The following DCTN5 variants were observed in gnomAD, a reference collection of about 807,000 sequenced individuals.
DCTN5 encodes the protein dynactin 4.
In DCTN5, 14 loss-of-function variants were observed where a neutral mutation model predicts 23.5. That is an observed-to-expected ratio of 0.60 (90% CI 0.39 to 0.93). DCTN5 has a LOEUF of 0.93. Ranked by LOEUF, DCTN5 falls within the 40% of genes least tolerant of loss-of-function variation. The pLI is 0.00. For missense variants in DCTN5, 156 were observed against 225.9 expected (o/e 0.69, Z 1.98); for synonymous variants, 67 against 79.6 (o/e 0.84, Z 0.84).
chr16:23,669,522 A>C lies in DCTN5; in HGVS notation c.*2378A>C, dbSNP rs1358103830. 6.6e-6 allele frequency: 1 copy of C among 152,306 alleles called. No homozygotes were observed. The highest frequency in any genetic ancestry group is 2.4e-5 in the African/African-American group (1 of 41,438). The allele number at this position is 152,306 out of a possible 1,614,324, so 9.4% of individuals were successfully genotyped here. A position where few individuals can be genotyped will look rare whatever the true frequency, so the allele number is the denominator to read the frequency against. ...TCATCATTGTGGCCAGGAAGATGGAATACACCAAATGGACAGGCCTGGCAT... is the reference window on the plus strand; with the variant it reads ...TCATCATTGTGGCCAGGAAGATGGACTACACCAAATGGACAGGCCTGGCAT... On this transcript the variant is annotated 3_prime_UTR_variant, in exon 6 of 6. Transcript: ENST00000300087.
At chr16:23,649,454 ACTCATCTTTTCCAAG>A (rs888197683) in intron 2 of DCTN5, among the ~76,000 whole-genome samples, 1 of 151,870 alleles carries the variant, frequency 6.6e-6, no homozygotes, top group African/African-American at 2.4e-5. Context: ...TTGAAGTCTT[ACTCATCTTTTCCAAG>A]ACCAGTGTCT....
intron 5 of DCTN5, 43 bp from the exon 6 acceptor site, chr16:23,667,004 T>G: frequency 6.2e-7 from 1 of 1,611,942 alleles, no homozygotes; most frequent in Non-Finnish European, 8.5e-7. Flanking sequence ...TAACTTCTTG[T>G]AACTTCTTCA....
At chr16:23,664,936 T>C (rs1404563056) in intron 4 of DCTN5, among the ~76,000 whole-genome samples, 1 of 152,228 alleles carries the variant, frequency 6.6e-6, no homozygotes, top group East Asian at 1.9e-4. Flanking sequence ...TAGATCTTAA[T>C]GTCACGGCCA....
At chr16:23,651,199 G>A (rs1271436620) in intron 2 of DCTN5, 1 of 1,053,848 alleles carries the variant, frequency 9.5e-7, no homozygotes, top group East Asian at 7.3e-5. Context: ...TCTCTGCCTT[G>A]CCCATTGTTG....
chr16:23,642,848 C>A, intron 1 of DCTN5, 107 bp from the exon 2 acceptor site: 1 of 936,046 alleles, frequency 1.1e-6, no homozygotes. Flanking sequence ...GTGGACAGCA[C>A]CCCACTTTAT....
chr16:23,649,118 C>T (rs1967542286), intron 2 of DCTN5, among the ~76,000 whole-genome samples: 1 of 152,168 alleles, frequency 6.6e-6, no homozygotes, highest in African/African-American at 2.4e-5. Flanking sequence ...CAGTTGGCCT[C>T]CCAAAATGCT....
intron 2 of DCTN5, among the ~76,000 whole-genome samples, chr16:23,648,344 CTTTT>C (rs960786045): frequency 2.9e-4 from 31 of 105,522 alleles, no homozygotes; most frequent in Non-Finnish European, 4.7e-4. Flanking sequence ...TTTCTTTTTT[CTTTT>C]TTTTTTTTTT....
At position 23,667,054 on chromosome 16, in the gene DCTN5, C is replaced by T. The variant is rs1967920379; in HGVS notation, c.459C>T (p.Phe153=). The change falls in exon 6 of 6, where the codon TTC becomes TTT. Residue 153 remains phenylalanine (F), a synonymous_variant. Coordinates refer to ENST00000300087, the MANE Select transcript of DCTN5 (RefSeq NM_032486.4). ...GGGTCTTTCTTTCCCCAGGACTCTT[C>T]TCAGGGGAGCTCCCGGAGTGCACTC... The part of the protein sequence containing the change: ...FTVFSGCPGL[F]SGELPECTQE... 1 of 1,613,718 alleles carries T rather than the reference C, an allele frequency of 6.2e-7. No homozygotes were observed. Among genetic ancestry groups the T allele is most frequent in the Non-Finnish European group, 8.5e-7 (1 of 1,180,018 alleles).
At chr16:23,649,981 C>T (rs1259023074) in intron 2 of DCTN5, among the ~76,000 whole-genome samples, 4 of 152,024 alleles carry the variant, frequency 2.6e-5, no homozygotes, top group Admixed American at 6.6e-5. Flanking sequence ...TGAATGTTCT[C>T]GTCACCTTTG....
chr16:23,652,455 C>G (rs1388775195), intron 2 of DCTN5, among the ~76,000 whole-genome samples: 2 of 152,234 alleles, frequency 1.3e-5, no homozygotes, highest in Non-Finnish European at 2.9e-5. Context: ...TCTCTTCCTT[C>G]TTTTCTTTTT....
chr16:23,654,458 G>C (rs957734738), intron 2 of DCTN5, among the ~76,000 whole-genome samples: 2 of 152,110 alleles, frequency 1.3e-5, no homozygotes, highest in Admixed American at 1.3e-4. Flanking sequence ...CTATGGGAGC[G>C]GGGAGTTGGG....
In DCTN5 at chr16:23,668,062, A is replaced by G. The variant is rs1372842816; in HGVS notation, c.*918A>G. On this transcript the variant is annotated 3_prime_UTR_variant, in exon 6 of 6. Transcript: ENST00000300087. ...CATATATACAGGAAGGGCTCTTAGA[A>G]TCAGTTTGTGGGCACAGAGCCTCAG... 1 of 152,250 alleles carries G rather than the reference A, an allele frequency of 6.6e-6. No individual in the cohort carries two copies. The highest frequency in any genetic ancestry group is 1.9e-4 in the East Asian group (1 of 5,204). 9.4% of individuals were successfully genotyped at this position (152,250 alleles called of 1,614,324 possible). A position where few individuals can be genotyped will look rare whatever the true frequency, so the allele number is the denominator to read the frequency against.
intron 3 of DCTN5, among the ~76,000 whole-genome samples, chr16:23,659,063 C>T (rs557186057): frequency 3.3e-5 from 5 of 152,130 alleles, no homozygotes; most frequent in African/African-American, 1.2e-4. Flanking sequence ...CAGATACCTG[C>T]CCCATTTGTT....
At chr16:23,642,138 G>C (rs2140964770) in intron 1 of DCTN5, among the ~76,000 whole-genome samples, 1 of 152,148 alleles carries the variant, frequency 6.6e-6, no homozygotes, top group South Asian at 2.1e-4. Context: ...TCACCGTGTT[G>C]GCCAGGCAGG....
intron 3 of DCTN5, among the ~76,000 whole-genome samples, chr16:23,659,569 C>A (rs1408525473): frequency 6.6e-6 from 1 of 152,188 alleles, no homozygotes; most frequent in Non-Finnish European, 1.5e-5. Flanking sequence ...CAGATAGCGA[C>A]ATATGACAGC....
At chr16:23,648,344 C>CTTTTTTTTT (rs960786045) in intron 2 of DCTN5, among the ~76,000 whole-genome samples, 12 of 105,514 alleles carry the variant, frequency 1.1e-4, no homozygotes, top group Non-Finnish European at 1.6e-4. Context: ...TTTCTTTTTT[C>CTTTTTTTTT]TTTTTTTTTT....
intron 1 of DCTN5, among the ~76,000 whole-genome samples, chr16:23,641,862 G>T (rs182608968): frequency 6.6e-6 from 1 of 152,068 alleles, no homozygotes; most frequent in Non-Finnish European, 1.5e-5. Context: ...ACGAATTACA[G>T]CTCGGACTTC....
chr16:23,655,082 C>T (rs1967676879), intron 2 of DCTN5, among the ~76,000 whole-genome samples: 1 of 152,154 alleles, frequency 6.6e-6, no homozygotes, highest in South Asian at 2.1e-4. Flanking sequence ...ATCATATACT[C>T]TTTTATGTCA....
At position 23,671,771 on chromosome 16, in the gene DCTN5, C is replaced by A. The variant is rs1968011764; in HGVS notation, c.*4627C>A. 1 of 152,292 alleles carries A rather than the reference C, an allele frequency of 6.6e-6. No homozygotes were observed. Among genetic ancestry groups the A allele is most frequent in the Non-Finnish European group, 1.5e-5 (1 of 68,102 alleles). 9.4% of individuals were successfully genotyped at this position (152,292 alleles called of 1,614,324 possible). A position where few individuals can be genotyped will look rare whatever the true frequency, so the allele number is the denominator to read the frequency against. On this transcript the variant is annotated 3_prime_UTR_variant, in exon 6 of 6. Transcript: ENST00000300087. ...AGCTTTTGCTGGTGGGCCAGCCCCA[C>A]CTGCTTTCCTTGTGCACTCTGACTT... is the stretch of plus-strand genomic sequence containing the variant.
Sources: allele counts gnomAD v4.1 joint callset (sites outside exome capture counted in the v4.1 genomes callset), GRCh38; gene constraint gnomAD v4.1.1; transcripts MANE v1.5; gene names NCBI Gene and HGNC (gene_info 2026-07-23, HGNC 2026-07-21).